Variants in ARVCF observed in about 807,000 individuals in gnomAD.
ARVCF encodes splicing regulator ARVCF.
ARVCF carries 66 observed loss-of-function variants against 90.9 expected under a neutral mutation model. That is an observed-to-expected ratio of 0.73 (90% CI 0.60 to 0.89). The LOEUF (loss-of-function observed/expected upper bound fraction) is 0.89, where lower values mean the gene tolerates loss of function less well. ARVCF is among the 40% of genes least tolerant of loss of function. The pLI is 0.00. For missense variants in ARVCF, 1,469 were observed against 1,382.3 expected (o/e 1.06, Z -1.00); for synonymous variants, 653 against 603.4 (o/e 1.08, Z -1.21).
rs767587957 is a variant in ARVCF at position 19,973,266 on chromosome 22, G to A, written c.2291C>T (p.Pro764Leu). The A allele has an allele frequency of 7.5e-6, 12 of 1,608,658 alleles. No individual in the cohort carries two copies. Among genetic ancestry groups the A allele is most frequent in the Non-Finnish European group, 5.1e-6 (6 of 1,178,848 alleles). The change falls in exon 14 of 20, where the codon CCG (proline) becomes CTG (leucine). Residue 764 changes from proline to leucine, a missense_variant. By Grantham distance (98) the Pro-to-Leu change is moderately conservative. Coordinates refer to ENST00000263207, the MANE Select transcript of ARVCF (RefSeq NM_001670.3). ...LVRNVRNAQA[P>L]PRPGACLEED... ...CTCCAGGCAGGCCCCCGGTCGCGGC[G>A]GAGCCTGTGCATTGCGCACATTCCG...
At chr22:19,987,187 C>A (rs946694753) in intron 3 of ARVCF, 26 of 405,162 alleles carry the variant, frequency 6.4e-5, no homozygotes, top group African/African-American at 4.2e-4. Context: ...GGCTCAGGCT[C>A]GGCGGACTCG....
intron 2 of ARVCF, among the ~76,000 whole-genome samples, chr22:19,993,895 A>G (rs537432664): frequency 1.3e-5 from 2 of 152,328 alleles, no homozygotes; most frequent in South Asian, 2.1e-4. Context: ...CCCAGCCACA[A>G]TGGACATTGG....
intron 1 of ARVCF, among the ~76,000 whole-genome samples, chr22:20,012,453 A>G (rs1468434792): frequency 2.0e-5 from 3 of 152,242 alleles, no homozygotes; most frequent in Non-Finnish European, 2.9e-5. Flanking sequence ...AGTGATGTGA[A>G]GGCAGAACTA....
chr22:19,968,880 A>G, downstream of ARVCF: 1 of 702,764 alleles, frequency 1.4e-6, no homozygotes. Context: ...CTGACATGCT[A>G]ACCTCTCTGA....
chr22:19,968,557 G>A (rs747375116), downstream of ARVCF: 1 of 1,614,066 alleles, frequency 6.2e-7, no homozygotes, highest in East Asian at 2.2e-5. Flanking sequence ...GCTGCGGAAG[G>A]GGACAGTGCT....
intron 2 of ARVCF, among the ~76,000 whole-genome samples, chr22:19,997,936 T>A (rs983002137): frequency 1.3e-5 from 2 of 152,178 alleles, no homozygotes; most frequent in African/African-American, 4.8e-5. Context: ...GCAGGCGCAG[T>A]GGAGGCGGAG....
In ARVCF at chr22:19,972,594, C is replaced by A. The variant is rs1034264022; in HGVS notation, c.2641+143G>T. ...CGCGGATGCTGTGGGAAGGGAGTAGCCAAGAGGCAGAGGGCAGGGAAAGTG... is the reference window on the plus strand; with the variant it reads ...CGCGGATGCTGTGGGAAGGGAGTAGACAAGAGGCAGAGGGCAGGGAAAGTG... On this transcript the variant is annotated intron_variant, in intron 16 of 19. Coordinates refer to ENST00000263207, the MANE Select transcript of ARVCF (RefSeq NM_001670.3). The A allele has an allele frequency of 1.5e-5, 17 of 1,154,914 alleles. No individual in the cohort carries two copies. The African/African-American group carries it at 2.6e-4, about 18-fold the overall frequency. 71.5% of individuals were successfully genotyped at this position (1,154,914 alleles called of 1,614,324 possible). A position where few individuals can be genotyped will look rare whatever the true frequency, so the allele number is the denominator to read the frequency against.
intron 17 of ARVCF, 97 bp downstream of exon 17, chr22:19,972,260 CA>C (rs1265478498): frequency 6.6e-7 from 1 of 1,519,090 alleles, no homozygotes; most frequent in African/African-American, 1.4e-5. Context: ...ATCTCTCCTC[CA>C]CCCAGCACCA....
chr22:19,972,210 C>A, intron 17 of ARVCF, 148 bp downstream of exon 17: 1 of 1,103,614 alleles, frequency 9.1e-7, no homozygotes, highest in South Asian at 1.5e-5. Flanking sequence ...CCCTCTCTAG[C>A]TGCCCTGTAC....
In ARVCF at chr22:19,974,093, G is replaced by A. The variant is rs373944893; in HGVS notation, c.2088+19C>T. 1.3e-4 allele frequency: 203 copies of A among 1,596,986 alleles called. No individual in the cohort carries two copies. Among genetic ancestry groups the A allele is most frequent in the Non-Finnish European group, 1.7e-4 (196 of 1,171,558 alleles). ...CCCTCTCTCAGGACTTGCCCACCCT[G>A]CCCGACCTGGTCCCTCACCATCCAG... is the stretch of plus-strand genomic sequence containing the variant. On this transcript the variant is annotated intron_variant, in intron 12 of 19. Transcript: ENST00000263207.
intron 2 of ARVCF, among the ~76,000 whole-genome samples, chr22:19,991,822 T>C (rs1034848476): frequency 2.6e-5 from 4 of 152,216 alleles, no homozygotes; most frequent in African/African-American, 9.6e-5. Flanking sequence ...GGGCAGGGCA[T>C]AGCCACGAGG....
At chr22:20,015,365 C>T (rs1274417747) in intron 1 of ARVCF, among the ~76,000 whole-genome samples, 2 of 152,196 alleles carry the variant, frequency 1.3e-5, no homozygotes, top group East Asian at 1.9e-4. Flanking sequence ...CACGCTGCGG[C>T]TCACACTGTC....
chr22:19,987,297 G>T (rs1339925804), intron 3 of ARVCF: 1 of 266,356 alleles, frequency 3.8e-6, no homozygotes, highest in Admixed American at 5.4e-5. Context: ...GGGCGTGGCG[G>T]GCGGGGGGCG....
downstream of ARVCF, chr22:19,966,840 C>T: frequency 1.4e-6 from 1 of 709,496 alleles, no homozygotes; most frequent in Non-Finnish European, 1.7e-6. Flanking sequence ...TGTGAGGCTC[C>T]AACTCTTGAA....
rs745587564 is a variant in ARVCF at position 19,981,674 on chromosome 22, C to T, written c.433G>A (p.Gly145Arg). The T allele has an allele frequency of 1.4e-5, 23 of 1,604,988 alleles. No homozygotes were observed. Among genetic ancestry groups the T allele is most frequent in the Non-Finnish European group, 1.6e-5 (19 of 1,176,338 alleles). Residue 145 changes from glycine (G) to arginine (R), a missense_variant, in exon 5 of 20, where the codon GGA becomes AGA. By Grantham distance (125) the Gly-to-Arg change is moderately radical. Coordinates refer to ENST00000263207, the MANE Select transcript of ARVCF (RefSeq NM_001670.3). ...TVRQVPVGPD[G>R]LPLLDGGPPL... The stretch of plus-strand genomic sequence containing the variant: ...GGGCCGCCATCCAGCAGGGGGAGTC[C>T]ATCTGGGCCCACGGGCACCTGGCGT...
intron 10 of ARVCF, 130 bp downstream of exon 10, chr22:19,976,576 G>A: frequency 7.8e-7 from 1 of 1,277,868 alleles, no homozygotes; most frequent in Non-Finnish European, 1.1e-6. Flanking sequence ...ACCTGCCACT[G>A]TCATAAAGAT....
Position 19,981,393 on chromosome 22 carries a change from C to T in ARVCF, c.714G>A (p.Val238=). 3 of 1,592,280 alleles carry T rather than the reference C, an allele frequency of 1.9e-6. No individual in the cohort carries two copies. The highest frequency in any genetic ancestry group is 2.6e-6 in the Non-Finnish European group (3 of 1,171,464). The change falls in exon 5 of 20, where the codon GTG becomes GTA. Residue 238 remains valine, a synonymous_variant. Coordinates refer to ENST00000263207, the MANE Select transcript of ARVCF (RefSeq NM_001670.3). ...CACCTGGTGGCCCAGGCTCAGGACC[C>T]ACCGGGAAGGCTTCCCGGTGGCCAG... ...TLPGHREAFP[V]GPEPGPPGGR... is the part of the protein sequence containing the mutation.
intron 2 of ARVCF, among the ~76,000 whole-genome samples, chr22:20,001,991 A>C (rs1944462295): frequency 6.6e-6 from 1 of 152,200 alleles, no homozygotes; most frequent in African/African-American, 2.4e-5. Context: ...TAGGAGCCAC[A>C]GAAGACAGAG....
chr22:20,014,499 T>G (rs1468899126), intron 1 of ARVCF, among the ~76,000 whole-genome samples: 1 of 152,162 alleles, frequency 6.6e-6, no homozygotes, highest in East Asian at 1.9e-4. Context: ...CCGGCCTCAT[T>G]CTGGTCTTAA....
Sources: gnomAD v4.1 joint callset for allele counts (sites outside exome capture counted in the v4.1 genomes callset) on GRCh38, gnomAD v4.1.1 for gene constraint, MANE v1.5 for transcripts, NCBI Gene and HGNC (gene_info 2026-07-23, HGNC 2026-07-21) for gene names.